GPC5: variants seen among roughly 807,000 people sequenced by gnomAD.
GPC5 encodes the protein glypican-5.
Under a neutral mutation model 53.9 loss-of-function variants are expected in GPC5, and 47 were observed. The ratio of observed to expected loss-of-function variants is 0.87; its 90% CI spans 0.69 to 1.11. The LOEUF is 1.11. Ranked by LOEUF, GPC5 falls within the 50% of genes most tolerant of loss-of-function variation. The pLI, the probability that GPC5 is intolerant of heterozygous loss-of-function variation, is 0.00. For synonymous variants in GPC5, 286 were observed against 263.3 expected, an observed-to-expected ratio of 1.09 and a Z score of -0.84; for missense variants, 748 against 713.1, an observed-to-expected ratio of 1.05 and a Z score of -0.56.
At chr13:92,410,630 A>G (rs1876000093) in intron 7 of GPC5, among the ~76,000 whole-genome samples, 1 of 152,222 alleles carries the variant, frequency 6.6e-6, no homozygotes, top group Admixed American at 6.5e-5. Flanking sequence ...CAAAAAGACG[A>G]TGATTGAGAA....
intron 2 of GPC5, among the ~76,000 whole-genome samples, chr13:91,590,115 C>A (rs9523368): frequency 0.97 from 146,420 of 151,662 alleles, 70,885 homozygotes; most frequent in East Asian, 1. Context: ...TATTTATTTG[C>A]GTTATAGGCA....
At chr13:92,754,826 A>G (rs1388196219) in intron 7 of GPC5, among the ~76,000 whole-genome samples, 1 of 146,782 alleles carries the variant, frequency 6.8e-6, no homozygotes, top group African/African-American at 2.5e-5. Context: ...CCAGATTCAT[A>G]AAGCAAGTCC....
chr13:92,202,862 A>G (rs570710720), intron 7 of GPC5, among the ~76,000 whole-genome samples: 1 of 152,324 alleles, frequency 6.6e-6, no homozygotes, highest in Admixed American at 6.5e-5. Context: ...CTCCTAGGAT[A>G]GCATTCTTCT....
chr13:91,781,119 A>T (rs1277483555), intron 5 of GPC5, among the ~76,000 whole-genome samples: 1 of 152,180 alleles, frequency 6.6e-6, no homozygotes, highest in Non-Finnish European at 1.5e-5. Flanking sequence ...CTTGTGCACA[A>T]GTGCACAAGC....
At chr13:92,050,398 T>A (rs12429380) in intron 6 of GPC5, among the ~76,000 whole-genome samples, 66,620 of 151,846 alleles carry the variant, frequency 0.44, 14,970 homozygotes, top group Admixed American at 0.52. Context: ...TGGCTTTCAC[T>A]GAGTGGTTAT....
At chr13:91,914,033 C>T (rs2039635354) in intron 6 of GPC5, among the ~76,000 whole-genome samples, 1 of 152,182 alleles carries the variant, frequency 6.6e-6, no homozygotes, top group African/African-American at 2.4e-5. Flanking sequence ...TAGATTTGCT[C>T]ACCTAGCAAA....
intron 7 of GPC5, among the ~76,000 whole-genome samples, chr13:92,745,387 T>C (rs1282859640): frequency 6.6e-6 from 1 of 152,086 alleles, no homozygotes; most frequent in Non-Finnish European, 1.5e-5. Flanking sequence ...ATCTAAACAA[T>C]TTTTTTGAAT....
intron 5 of GPC5, among the ~76,000 whole-genome samples, chr13:91,838,940 A>G (rs117165159): frequency 0.018 from 2,674 of 151,596 alleles, 29 homozygotes; most frequent in Non-Finnish European, 0.027. Context: ...GCCCTGAACC[A>G]TGTTTCCCAT....
At chr13:91,990,161 A>G (rs537777121) in intron 6 of GPC5, among the ~76,000 whole-genome samples, 1 of 152,218 alleles carries the variant, frequency 6.6e-6, no homozygotes, top group Non-Finnish European at 1.5e-5. Context: ...GTCTATTTTT[A>G]TAGCTATTTT....
intron 5 of GPC5, among the ~76,000 whole-genome samples, chr13:91,767,706 G>A (rs2037551216): frequency 6.6e-6 from 1 of 152,166 alleles, no homozygotes. Context: ...ACAGTATGAG[G>A]ATACTATTTT....
rs142399889 is a variant in GPC5, at chr13:92,857,870, C to T, written c.1562-8412C>T. On this transcript the variant is annotated intron_variant, in intron 7 of 7. Transcript: ENST00000377067. ...AAAGGGAATATTTATACATTTCTGA[C>T]GGATATGTAAATTAGTTCACCTGTG... 1.1e-4 allele frequency among the ~76,000 whole-genome samples: 17 copies of T among 152,142 alleles called. 1 individual carries two copies. The highest frequency in any genetic ancestry group is 1.0e-3 in the South Asian group (5 of 4,826).
chr13:91,949,995 C>A (rs1394572964), intron 6 of GPC5, among the ~76,000 whole-genome samples: 1 of 152,110 alleles, frequency 6.6e-6, no homozygotes, highest in Non-Finnish European at 1.5e-5. Flanking sequence ...TTTGTTTAGA[C>A]CGCATGCTGA....
chr13:92,573,660 G>A (rs915137343), intron 7 of GPC5, among the ~76,000 whole-genome samples: 1 of 152,072 alleles, frequency 6.6e-6, no homozygotes, highest in Admixed American at 6.6e-5. Flanking sequence ...CGCTGGTTCA[G>A]GCGGTTGCAC....
chr13:91,424,707 C>T (rs1296314973), intron 1 of GPC5, among the ~76,000 whole-genome samples: 6 of 152,116 alleles, frequency 3.9e-5, no homozygotes, highest in African/African-American at 1.2e-4. Flanking sequence ...TGTGGTTACC[C>T]TTGCTGGATA....
chr13:92,856,854 C>T (rs1879018339), intron 7 of GPC5, among the ~76,000 whole-genome samples: 1 of 151,886 alleles, frequency 6.6e-6, no homozygotes, highest in South Asian at 2.1e-4. Flanking sequence ...GGAAACATTC[C>T]ACACTCATGG....
chr13:92,600,110 T>C (rs1883999152), intron 7 of GPC5, among the ~76,000 whole-genome samples: 1 of 152,224 alleles, frequency 6.6e-6, no homozygotes, highest in Admixed American at 6.5e-5. Context: ...TTTCTTGAAC[T>C]TTCTGTGCTG....
intron 6 of GPC5, among the ~76,000 whole-genome samples, chr13:92,054,152 GTGTGT>G (rs1327363408): frequency 5.1e-4 from 12 of 23,366 alleles, no homozygotes; most frequent in Admixed American, 6.4e-4. Flanking sequence ...TTGGAGGGGT[GTGTGT>G]GTGTGTGTGT....
chr13:92,385,760 T>TATATACGTATATATAC (rs1341906338), intron 7 of GPC5, among the ~76,000 whole-genome samples: 1 of 98,812 alleles, frequency 1.0e-5, no homozygotes, highest in African/African-American at 4.1e-5. Flanking sequence ...CACGTGTATA[T>TATATACGTATATATAC]ATATACGTAT....
rs1025476275 is a variant in GPC5 at position 92,001,589 on chromosome 13, T to A, written c.1401+93532T>A. Among the ~76,000 whole-genome samples the A allele has an allele frequency of 4.7e-4, 71 of 152,298 alleles. 1 individual carries two copies. Among genetic ancestry groups the A allele is most frequent in the African/African-American group, 1.7e-3 (70 of 41,570 alleles). On this transcript the variant is annotated intron_variant, in intron 6 of 7. Coordinates refer to ENST00000377067, the MANE Select transcript of GPC5 (RefSeq NM_004466.6). ...ATGCTGAGGGATCAATTTACACTAA[T>A]TTTTAATTGAAAAAATGGCCATGTA...
Sources: allele counts gnomAD v4.1 joint callset (sites outside exome capture counted in the v4.1 genomes callset), GRCh38; gene constraint gnomAD v4.1.1; transcripts MANE v1.5; gene names NCBI Gene and HGNC (gene_info 2026-07-23, HGNC 2026-07-21).